The following EBF1 variants were observed in gnomAD, a reference collection of about 807,000 sequenced individuals.
EBF1 encodes transcription factor COE1.
Under a neutral mutation model 68.4 loss-of-function variants are expected in EBF1, and 10 were observed. That is an observed-to-expected ratio of 0.15 (90% CI 0.09 to 0.25). EBF1 has a LOEUF of 0.25. Among genes scored for constraint, EBF1 ranks in the 10% least tolerant of loss-of-function variants. The probability of loss-of-function intolerance (pLI) is 1.00; values close to 1 mark genes in which losing one functional copy is unlikely to be tolerated. For synonymous variants in EBF1, 298 were observed against 299.8 expected, an observed-to-expected ratio of 0.99 and a Z score of 0.06; for missense variants, 509 against 794.4, an observed-to-expected ratio of 0.64 and a Z score of 4.32.
chr5:159,059,763 G>A (rs543174472), intron 6 of EBF1, among the ~76,000 whole-genome samples: 1 of 152,120 alleles, frequency 6.6e-6, no homozygotes, highest in South Asian at 2.1e-4. Flanking sequence ...AACAAGGGGG[G>A]ACCAGGCTGA....
chr5:158,885,211 G>A (rs980570844), intron 6 of EBF1, among the ~76,000 whole-genome samples: 45 of 152,216 alleles, frequency 3.0e-4, no homozygotes, highest in Non-Finnish European at 1.2e-4. Flanking sequence ...ATGACAATGG[G>A]AAGACATGGA....
intron 8 of EBF1, among the ~76,000 whole-genome samples, chr5:158,820,549 T>C (rs886654313): frequency 1.3e-5 from 2 of 152,174 alleles, no homozygotes; most frequent in African/African-American, 2.4e-5. Context: ...TTCTATGCTA[T>C]TGTCATTACT....
At chr5:159,083,989 A>G (rs901873074) in intron 5 of EBF1, among the ~76,000 whole-genome samples, 4 of 152,236 alleles carry the variant, frequency 2.6e-5, no homozygotes, top group African/African-American at 9.6e-5. Flanking sequence ...CCTGTTTTCA[A>G]ATGTAGCTTC....
chr5:158,918,465 G>A (rs914787713), intron 6 of EBF1, among the ~76,000 whole-genome samples: 1 of 152,156 alleles, frequency 6.6e-6, no homozygotes, highest in Non-Finnish European at 1.5e-5. Flanking sequence ...TAAGGCTTGA[G>A]AACTGATACT....
intron 11 of EBF1, among the ~76,000 whole-genome samples, chr5:158,717,078 A>G (rs888332334): frequency 6.6e-6 from 1 of 152,214 alleles, no homozygotes; most frequent in Non-Finnish European, 1.5e-5. Context: ...TTAAGATGAA[A>G]CTTGAATATT....
chr5:158,884,683 A>T (rs1471859788), intron 6 of EBF1, among the ~76,000 whole-genome samples: 1 of 152,148 alleles, frequency 6.6e-6, no homozygotes, highest in Non-Finnish European at 1.5e-5. Flanking sequence ...ACAGAGTTTA[A>T]TCCTGAGTGC....
intron 6 of EBF1, among the ~76,000 whole-genome samples, chr5:159,069,682 C>G (rs780436830): frequency 6.6e-6 from 1 of 151,976 alleles, no homozygotes; most frequent in Non-Finnish European, 1.5e-5. Flanking sequence ...TTCAGACTAC[C>G]CTATGTGACT....
intron 4 of EBF1, among the ~76,000 whole-genome samples, chr5:159,087,373 C>T (rs932019245): frequency 2.9e-5 from 4 of 135,902 alleles, no homozygotes; most frequent in Admixed American, 1.5e-4. Flanking sequence ...TATATACACA[C>T]ATATATATAC....
chr5:159,074,253 G>A (rs1020178321), intron 5 of EBF1, among the ~76,000 whole-genome samples: 6 of 152,212 alleles, frequency 3.9e-5, no homozygotes, highest in Non-Finnish European at 8.8e-5. Context: ...TCCCCTGCCA[G>A]TTGTGGCTGC....
intron 8 of EBF1, among the ~76,000 whole-genome samples, chr5:158,820,857 G>A (rs950382846): frequency 6.6e-6 from 1 of 152,202 alleles, no homozygotes; most frequent in African/African-American, 2.4e-5. Flanking sequence ...AGGAAGCTTA[G>A]AGCTGTGTTG....
chr5:158,978,835 C>CACACACACACACACAG (rs753714441), intron 6 of EBF1, among the ~76,000 whole-genome samples: 7 of 146,934 alleles, frequency 4.8e-5, no homozygotes, highest in Non-Finnish European at 7.4e-5. Context: ...CACACACACA[C>CACACACACACACACAG]AGAGAGAGAG....
At chr5:158,877,980 G>A (rs1472052897) in intron 6 of EBF1, among the ~76,000 whole-genome samples, 1 of 151,792 alleles carries the variant, frequency 6.6e-6, no homozygotes, top group Non-Finnish European at 1.5e-5. Flanking sequence ...ATAACTCCAT[G>A]TTGCTGTATG....
intron 6 of EBF1, among the ~76,000 whole-genome samples, chr5:158,902,420 T>C (rs1803600182): frequency 1.2e-4 from 1 of 8,470 alleles, no homozygotes; most frequent in South Asian, 0.011. Context: ...CTTCTTTTTC[T>C]TTTTTTTTTT....
At chr5:158,737,320 G>T in intron 10 of EBF1, among the ~76,000 whole-genome samples, 1 of 111,426 alleles carries the variant, frequency 9.0e-6, no homozygotes, top group East Asian at 3.1e-4. Flanking sequence ...GTCTCGCTCC[G>T]TCGCCCAGGG....
intron 8 of EBF1, among the ~76,000 whole-genome samples, chr5:158,819,007 G>C (rs897711272): frequency 2.0e-5 from 3 of 151,518 alleles, no homozygotes; most frequent in African/African-American, 7.3e-5. Context: ...GGCTCCTACT[G>C]GTGGGTGAGC....
intron 10 of EBF1, among the ~76,000 whole-genome samples, chr5:158,747,284 G>A (rs140905774): frequency 5.3e-4 from 80 of 152,296 alleles, no homozygotes; most frequent in African/African-American, 1.9e-3. Context: ...GTTGAGAAGC[G>A]GTTCTGAGCA....
chr5:158,954,114 G>A (rs1458440960), intron 6 of EBF1, among the ~76,000 whole-genome samples: 2 of 152,154 alleles, frequency 1.3e-5, no homozygotes, highest in East Asian at 3.8e-4. Flanking sequence ...TTTTCTACAC[G>A]ATTAACCATC....
chr5:158,924,186 C>T (rs1188055351), intron 6 of EBF1, among the ~76,000 whole-genome samples: 1 of 152,188 alleles, frequency 6.6e-6, no homozygotes, highest in African/African-American at 2.4e-5. Flanking sequence ...AACAATTTGC[C>T]GAGAAGGCAA....
chr5:158,930,273 T>C (rs985100826), intron 6 of EBF1, among the ~76,000 whole-genome samples: 6 of 38,936 alleles, frequency 1.5e-4, no homozygotes, highest in African/African-American at 3.2e-4. Context: ...TTTTTTTTTG[T>C]TTGTTTTTTT....
Sources: allele counts gnomAD v4.1 joint callset (sites outside exome capture counted in the v4.1 genomes callset), GRCh38; gene constraint gnomAD v4.1.1; transcripts MANE v1.5; gene names NCBI Gene and HGNC (gene_info 2026-07-23, HGNC 2026-07-21).